SRPK1: variants seen among roughly 807,000 people sequenced by gnomAD.
SRPK1 encodes SRSF protein kinase 1.
Under a neutral mutation model 89.5 loss-of-function variants are expected in SRPK1, and 52 were observed. The observed-to-expected ratio is 0.58, with a 90% CI of 0.46 to 0.73. The LOEUF (loss-of-function observed/expected upper bound fraction) is 0.73. Among genes scored for constraint, SRPK1 ranks in the 30% least tolerant of loss-of-function variants. The pLI is 0.00. For synonymous variants in SRPK1, 255 were observed against 270.2 expected, an observed-to-expected ratio of 0.94 and a Z score of 0.55; for missense variants, 603 against 780.6, an observed-to-expected ratio of 0.77 and a Z score of 2.71.
In SRPK1 at chr6:35,834,328, A is replaced by G. The variant is rs1769128093; in HGVS notation, c.*976T>C. On this transcript the variant is annotated 3_prime_UTR_variant, in exon 16 of 16. Coordinates refer to ENST00000373825, the MANE Select transcript of SRPK1 (RefSeq NM_003137.5). The stretch of plus-strand genomic sequence containing the variant: ...GCCAGAATTTTGGGTAAGGTAAAGA[A>G]AAAGCTGTACATGAAAGCAGGGGAC... The G allele has an allele frequency of 6.6e-6, 1 of 152,356 alleles. No individual in the cohort carries two copies. The highest frequency in any genetic ancestry group is 1.5e-5 in the Non-Finnish European group (1 of 68,044). 9.4% of individuals were successfully genotyped at this position (152,356 alleles called of 1,614,324 possible).
Position 35,888,851 on chromosome 6 carries a change from C to T in SRPK1, c.266G>A (p.Gly89Glu). Residue 89 changes from glycine to glutamate, a missense_variant, in exon 4 of 16, where the codon GGA becomes GAA. Transcript: ENST00000373825. The part of the protein sequence containing the change: ...RYHVIRKLGW[G>E]HFSTVWLSWD... Reference sequence around the variant, plus strand: ...TGATAACCATACTGTTGAAAAGTGTCCCCAGCCTAACTTTCGGATCACATG... The same window carrying T: ...TGATAACCATACTGTTGAAAAGTGTTCCCAGCCTAACTTTCGGATCACATG... The T allele has an allele frequency of 6.2e-7, 1 of 1,613,010 alleles. No individual in the cohort carries two copies. The highest frequency in any genetic ancestry group is 8.5e-7 in the Non-Finnish European group (1 of 1,179,174).
At chr6:35,878,685 T>C (rs1397074951) in intron 6 of SRPK1, among the ~76,000 whole-genome samples, 1 of 152,196 alleles carries the variant, frequency 6.6e-6, no homozygotes, top group Non-Finnish European at 1.5e-5. Context: ...CCTCCATTGT[T>C]TTAAGCCCCT....
chr6:35,920,016 C>A (rs1028227545), intron 2 of SRPK1: 2 of 453,730 alleles, frequency 4.4e-6, no homozygotes, highest in Non-Finnish European at 4.4e-6. Context: ...GTTGGTAGAA[C>A]CCAAAGTAAA....
intron 6 of SRPK1, among the ~76,000 whole-genome samples, chr6:35,883,282 G>C (rs962320897): frequency 2.6e-5 from 4 of 152,132 alleles, no homozygotes; most frequent in African/African-American, 9.7e-5. Context: ...TCAGCTACTC[G>C]GGAGGGTGAG....
chr6:35,876,421 G>C (rs1317399933), intron 6 of SRPK1, among the ~76,000 whole-genome samples: 1 of 152,080 alleles, frequency 6.6e-6, no homozygotes, highest in East Asian at 1.9e-4. Flanking sequence ...TAGATCCCTT[G>C]AGCCCAGGAG....
intron 2 of SRPK1, among the ~76,000 whole-genome samples, chr6:35,908,683 A>C (rs1414031488): frequency 6.6e-6 from 1 of 152,248 alleles, no homozygotes; most frequent in Admixed American, 6.5e-5. Flanking sequence ...GAAAAGAAAA[A>C]AACATTTTCT....
chr6:35,915,275 C>T (rs559733564), intron 2 of SRPK1, among the ~76,000 whole-genome samples: 1 of 151,872 alleles, frequency 6.6e-6, no homozygotes, highest in East Asian at 2.0e-4. Context: ...GGCATGGTGG[C>T]GGGCGCCTGT....
intron 13 of SRPK1, among the ~76,000 whole-genome samples, chr6:35,854,265 T>C (rs948506765): frequency 2.0e-5 from 3 of 152,132 alleles, no homozygotes; most frequent in Non-Finnish European, 4.4e-5. Flanking sequence ...TTTTCCCTTT[T>C]TATAACTGCC....
At position 35,835,171 on chromosome 6, in the gene SRPK1, T is replaced by C. The variant is rs1769150653; in HGVS notation, c.*133A>G. The C allele has an allele frequency of 4.7e-6, 4 of 844,484 alleles. No homozygotes were observed. The highest frequency in any genetic ancestry group is 7.0e-6 in the Non-Finnish European group (4 of 568,234). 52.3% of individuals were successfully genotyped at this position (844,484 alleles called of 1,614,324 possible). The stretch of plus-strand genomic sequence containing the variant: ...AAGTAAGCAAACCCAAATGAACATG[T>C]TGGATTAAAAAAAAAACAAGATCTA... On this transcript the variant is annotated 3_prime_UTR_variant, in exon 16 of 16. Transcript: ENST00000373825.
chr6:35,882,059 A>G (rs1477272375), intron 6 of SRPK1, among the ~76,000 whole-genome samples: 1 of 150,528 alleles, frequency 6.6e-6, no homozygotes, highest in African/African-American at 2.4e-5. Flanking sequence ...CAATAAGAAC[A>G]ACCAGTAGTA....
chr6:35,838,631 G>A, intron 14 of SRPK1: 6 of 1,555,860 alleles, frequency 3.9e-6, no homozygotes, highest in Non-Finnish European at 5.2e-6. Flanking sequence ...TGTGGATTCA[G>A]TGATAACTAA....
intron 7 of SRPK1, among the ~76,000 whole-genome samples, chr6:35,873,610 C>T (rs1770084882): frequency 6.6e-6 from 1 of 151,824 alleles, no homozygotes; most frequent in Non-Finnish European, 1.5e-5. Context: ...CTGCCTCAGC[C>T]TGCCGAGTAG....
intron 12 of SRPK1, among the ~76,000 whole-genome samples, chr6:35,866,879 C>G (rs945491981): frequency 2.6e-5 from 4 of 152,128 alleles, no homozygotes; most frequent in Non-Finnish European, 4.4e-5. Flanking sequence ...ATGGATGGAA[C>G]TGGATGCCAT....
At chr6:35,876,661 C>T (rs991766812) in intron 6 of SRPK1, among the ~76,000 whole-genome samples, 11 of 152,180 alleles carry the variant, frequency 7.2e-5, no homozygotes, top group African/African-American at 2.6e-4. Context: ...AAACAAAAAA[C>T]CCCAGCACCT....
At chr6:35,920,340 C>A in intron 2 of SRPK1, 128 bp downstream of exon 2, 1 of 971,062 alleles carries the variant, frequency 1.0e-6, no homozygotes, top group Non-Finnish European at 1.6e-6. Flanking sequence ...ACCCTCCGAG[C>A]TGCCCCGAGG....
intron 3 of SRPK1, among the ~76,000 whole-genome samples, chr6:35,890,096 G>A (rs1158351084): frequency 2.6e-5 from 4 of 152,088 alleles, no homozygotes; most frequent in African/African-American, 7.2e-5. Context: ...GCGACAGAGC[G>A]AGACTCCGCC....
intron 13 of SRPK1, among the ~76,000 whole-genome samples, chr6:35,854,061 G>T (rs1769616018): frequency 6.6e-6 from 1 of 151,672 alleles, no homozygotes; most frequent in South Asian, 2.1e-4. Flanking sequence ...AACAATTCTT[G>T]TGTCTCAGCC....
chr6:35,872,831 G>T, intron 7 of SRPK1, 103 bp from the exon 8 acceptor site: 1 of 1,064,864 alleles, frequency 9.4e-7, no homozygotes, highest in Non-Finnish European at 1.3e-6. Flanking sequence ...AGATATGATA[G>T]CGTTTTCTAT....
chr6:35,887,857 T>C (rs781107580), intron 5 of SRPK1, 167 bp downstream of exon 5: 3 of 440,872 alleles, frequency 6.8e-6, no homozygotes, highest in Non-Finnish European at 1.2e-5. Context: ...CCCTACTACA[T>C]GCATGGTATG....
Sources: allele counts gnomAD v4.1 joint callset (sites outside exome capture counted in the v4.1 genomes callset), GRCh38; gene constraint gnomAD v4.1.1; transcripts MANE v1.5; gene names NCBI Gene and HGNC (gene_info 2026-07-23, HGNC 2026-07-21).